The following PRPF6 variants were observed in gnomAD, a reference collection of about 807,000 sequenced individuals.
The protein encoded by PRPF6 is pre-mRNA-processing factor 6.
In PRPF6, 42 loss-of-function variants were observed where a neutral mutation model predicts 118.3. The observed-to-expected ratio is 0.35, with a 90% CI of 0.28 to 0.46. PRPF6 has a LOEUF of 0.46. Among genes scored for constraint, PRPF6 ranks in the 20% least tolerant of loss-of-function variants. The probability of loss-of-function intolerance (pLI) is 1.00; values close to 1 mark genes in which losing one functional copy is unlikely to be tolerated. For missense variants in PRPF6, 662 were observed against 1,255.7 expected (o/e 0.53, Z 7.15); for synonymous variants, 481 against 485.1 (o/e 0.99, Z 0.11).
rs997156517 is a variant in PRPF6, at chr20:64,024,797, G to A, written c.1908+104G>A. On this transcript the variant is annotated intron_variant, in intron 14 of 20. Coordinates refer to ENST00000266079, the MANE Select transcript of PRPF6 (RefSeq NM_012469.4). Reference sequence around the variant, plus strand: ...TCCCACATACAATGTGGCACGTGCTGTTGTTGGGGTGCACTGGAGTCCAGG... The same window carrying A: ...TCCCACATACAATGTGGCACGTGCTATTGTTGGGGTGCACTGGAGTCCAGG... 4.0e-6 allele frequency: 6 copies of A among 1,489,660 alleles called. No individual in the cohort carries two copies. The African/African-American group carries it at 5.5e-5, about 14-fold the overall frequency. The allele number at this position is 1,489,660 out of a possible 1,614,324, so 92.3% of individuals were successfully genotyped here. A position where few individuals can be genotyped will look rare whatever the true frequency, so the allele number is the denominator to read the frequency against.
In PRPF6 at chr20:64,006,910, C is replaced by T. The variant is rs373751642; in HGVS notation, c.1187-3290C>T. 2.1e-3 allele frequency among the ~76,000 whole-genome samples: 324 copies of T among 152,332 alleles called. 12 individuals are homozygous for T. In the South Asian group the frequency reaches 0.057, roughly 27 times the overall value. The stretch of plus-strand genomic sequence containing the variant: ...ATAGCTTCGTCTTCTGGCCGTCTTT[C>T]AGTTGGTCAAGTGGACATCCAGATA... On this transcript the variant is annotated intron_variant, in intron 9 of 20. Transcript: ENST00000266079.
In PRPF6 at chr20:64,016,855, C is replaced by A. The variant is rs816919; in HGVS notation, c.1647+10C>A. On this transcript the variant is annotated intron_variant, in intron 12 of 20. Transcript: ENST00000266079. Reference sequence around the variant, plus strand: ...GGAGGATGCTGACAGTGTGAGTTGGCAACAGGGGCCTTTGTCCGTAATATG... The same window carrying A: ...GGAGGATGCTGACAGTGTGAGTTGGAAACAGGGGCCTTTGTCCGTAATATG... 0.055 allele frequency: 88,428 copies of A among 1,613,730 alleles called. 2,713 individuals are homozygous for A. Among genetic ancestry groups the A allele is most frequent in the Middle Eastern group, 0.13 (769 of 6,060 alleles).
At position 63,995,407 on chromosome 20, in the gene PRPF6, A is replaced by C; in HGVS notation, c.696A>C (p.Thr232=). The part of the protein sequence containing the change: ...YPGGMTPGLM[T]PGTGELDMRK... ...GTGGAATGACGCCAGGACTGATGAC[A>C]CCTGGCACAGGTGAGCTGGACATGA... Residue 232 remains threonine (T), a synonymous_variant, in exon 6 of 21, where the codon ACA becomes ACC. Coordinates refer to ENST00000266079, the MANE Select transcript of PRPF6 (RefSeq NM_012469.4). 6.2e-7 allele frequency: 1 copy of C among 1,614,138 alleles called. No individual in the cohort carries two copies. The highest frequency in any genetic ancestry group is 8.5e-7 in the Non-Finnish European group (1 of 1,180,022).
At chr20:64,022,925 G>A in intron 13 of PRPF6, 47 bp downstream of exon 13, 1 of 1,613,214 alleles carries the variant, frequency 6.2e-7, no homozygotes, top group Non-Finnish European at 8.5e-7. Flanking sequence ...GAAACCTCCA[G>A]CTCCATTTGT....
chr20:64,011,152 G>A lies in PRPF6; in HGVS notation c.1306-133G>A. ...GAAGTGCTGCTGTGGACACTTCTCA[G>A]GCCATGTTCAGATGGTTCTCGAGAG... is the stretch of plus-strand genomic sequence containing the variant. On this transcript the variant is annotated intron_variant, in intron 10 of 20. Transcript: ENST00000266079. This position sits in a 1 kb window ranked among gnomAD's most constrained non-coding sequence, Gnocchi z 6.7. 1.3e-6 allele frequency: 1 copy of A among 772,608 alleles called. No individual in the cohort carries two copies. Among genetic ancestry groups the A allele is most frequent in the Non-Finnish European group, 2.2e-6 (1 of 449,650 alleles). 47.9% of individuals were successfully genotyped at this position (772,608 alleles called of 1,614,324 possible). A position where few individuals can be genotyped will look rare whatever the true frequency, so the allele number is the denominator to read the frequency against.
Position 64,001,255 on chromosome 20 carries a change from A to G in PRPF6, c.1186+16A>G, listed in dbSNP as rs369143645. On this transcript the variant is annotated intron_variant, in intron 9 of 20. Transcript: ENST00000266079. ...CTTCGGAAAGGTGAGCCTCCCTCGG[A>G]GGTGCTGCTTTCTCCCTCCTTGGGG... 13 of 1,613,994 alleles carry G rather than the reference A, an allele frequency of 8.1e-6. No individual in the cohort carries two copies. Among genetic ancestry groups the G allele is most frequent in the African/African-American group, 1.3e-5 (1 of 74,932 alleles).
At chr20:64,013,546 C>T (rs941459994) in intron 11 of PRPF6, among the ~76,000 whole-genome samples, 1 of 152,130 alleles carries the variant, frequency 6.6e-6, no homozygotes, top group Non-Finnish European at 1.5e-5. Context: ...TGGGCTCAAG[C>T]AATCCTCCCG....
At chr20:64,016,939 C>CTTT in intron 12 of PRPF6, 94 bp downstream of exon 12, 36 of 1,285,440 alleles carry the variant, frequency 2.8e-5, no homozygotes, top group Non-Finnish European at 3.1e-5. Context: ...TTTTAAAACT[C>CTTT]TTTTTTTTTT....
chr20:63,981,491 C>T (rs1284707526), intron 1 of PRPF6, among the ~76,000 whole-genome samples, 175 bp downstream of exon 1: 2 of 152,220 alleles, frequency 1.3e-5, no homozygotes, highest in South Asian at 2.1e-4. Flanking sequence ...TGTGTGTGCA[C>T]CCTGCTTGCC....
At chr20:64,018,759 G>A (rs1305748829) in intron 12 of PRPF6, among the ~76,000 whole-genome samples, 3 of 152,016 alleles carry the variant, frequency 2.0e-5, no homozygotes, top group Non-Finnish European at 2.9e-5. Flanking sequence ...ACTGTGCCTG[G>A]TCACACCTGC....
chr20:63,983,005 CAG>C lies in PRPF6; in HGVS notation c.72-39_72-38del, dbSNP rs781248602. 1.9e-5 allele frequency: 31 copies of C among 1,607,602 alleles called. No homozygotes were observed. The African/African-American group carries it at 2.4e-4, about 12-fold the overall frequency. On this transcript the variant is annotated intron_variant, in intron 1 of 20. Transcript: ENST00000266079. ...CCAGGAGTGGAGAAGAGCACAGGAA[CAG>C]AGTTATTCAGACACCCGGTGTCTTG...
At position 64,029,332 on chromosome 20, in the gene PRPF6, C is replaced by G. The variant is rs376042046; in HGVS notation, c.2432-45C>G. ...TGTAGGCTGGGCACCTTTCCGGAAC[C>G]AGAGGCTGGAGTGCAAATCTTTGTT... On this transcript the variant is annotated intron_variant, in intron 18 of 20. Transcript: ENST00000266079. The surrounding 1 kb of genome is among the most constrained non-coding windows in gnomAD (Gnocchi z 4.8). The G allele has an allele frequency of 1.9e-6, 3 of 1,575,618 alleles. No homozygotes were observed. In the African/African-American group the frequency reaches 4.0e-5, roughly 21 times the overall value.
intron 9 of PRPF6, among the ~76,000 whole-genome samples, chr20:64,003,168 C>G (rs1312411420): frequency 1.3e-5 from 2 of 152,132 alleles, no homozygotes; most frequent in East Asian, 1.9e-4. Context: ...TCTCAAACTC[C>G]CATCCTCAAG....
At chr20:64,002,750 C>T (rs1273196162) in intron 9 of PRPF6, among the ~76,000 whole-genome samples, 2 of 150,522 alleles carry the variant, frequency 1.3e-5, no homozygotes, top group Non-Finnish European at 2.9e-5. Context: ...TTTAAGCAAT[C>T]CTCTTGCCTC....
chr20:64,028,380 C>A lies in PRPF6; in HGVS notation c.2340-98C>A. 1 of 1,243,266 alleles carries A rather than the reference C, an allele frequency of 8.0e-7. No individual in the cohort carries two copies. Among genetic ancestry groups the A allele is most frequent in the Non-Finnish European group, 1.2e-6 (1 of 848,030 alleles). 77.0% of individuals were successfully genotyped at this position (1,243,266 alleles called of 1,614,324 possible). A position where few individuals can be genotyped will look rare whatever the true frequency, so the allele number is the denominator to read the frequency against. ...GGGAATGGAGTTTTTGCTGCTGTGA[C>A]TGGGTGGAGAGCCCTTTCAGACAAG... On this transcript the variant is annotated intron_variant, in intron 17 of 20. Transcript: ENST00000266079. This position sits in a 1 kb window ranked among gnomAD's most constrained non-coding sequence, Gnocchi z 6.5.
At chr20:63,987,910 C>T (rs957355492) in intron 3 of PRPF6, among the ~76,000 whole-genome samples, 14 of 150,914 alleles carry the variant, frequency 9.3e-5, no homozygotes, top group African/African-American at 3.2e-4. Context: ...TGGCCGGGCA[C>T]GGTGGCTCAC....
chr20:63,997,001 A>T (rs891682245), intron 6 of PRPF6, among the ~76,000 whole-genome samples: 5 of 152,178 alleles, frequency 3.3e-5, no homozygotes, highest in African/African-American at 1.2e-4. Flanking sequence ...CATTTTAATC[A>T]TTCTTGACTG....
In PRPF6 at chr20:64,026,963, G is replaced by A; in HGVS notation, c.2029-19G>A. 6.2e-7 allele frequency: 1 copy of A among 1,613,726 alleles called. No homozygotes were observed. The highest frequency in any genetic ancestry group is 1.1e-5 in the South Asian group (1 of 91,076). On this transcript the variant is annotated intron_variant, in intron 15 of 20. Coordinates refer to ENST00000266079, the MANE Select transcript of PRPF6 (RefSeq NM_012469.4). This position sits in a 1 kb window ranked among gnomAD's most constrained non-coding sequence, Gnocchi z 4.4. ...CCTGGAGCTGATGCCCTGCGTGACA[G>A]TGCATGTCTGCCCCACAGGTGTTCA...
intron 1 of PRPF6, 120 bp downstream of exon 1, chr20:63,981,436 C>G (rs2059066552): frequency 1.0e-6 from 1 of 992,920 alleles, no homozygotes; most frequent in Admixed American, 2.5e-5. Flanking sequence ...GGTGGATCGG[C>G]TTAATCCCTG....
Sources: allele counts gnomAD v4.1 joint callset (sites outside exome capture counted in the v4.1 genomes callset), GRCh38; gene constraint gnomAD v4.1.1; non-coding constraint Gnocchi (gnomAD v3.1); transcripts MANE v1.5; gene names NCBI Gene and HGNC (gene_info 2026-07-23, HGNC 2026-07-21).